Variants in MRPS28 observed in about 807,000 individuals in gnomAD.
MRPS28 encodes the protein small ribosomal subunit protein bS1m.
MRPS28 carries 7 observed loss-of-function variants against 10.8 expected under a neutral mutation model. The ratio of observed to expected loss-of-function variants is 0.65; its 90% confidence interval spans 0.37 to 1.22. The LOEUF (loss-of-function observed/expected upper bound fraction) is 1.22. MRPS28 is among the 50% of genes most tolerant of loss of function. The pLI is 0.02. For missense variants in MRPS28, 265 were observed against 232.9 expected (o/e 1.14, Z -0.90); for synonymous variants, 121 against 93.3 (o/e 1.30, Z -1.71).
At chr8:79,955,892 C>T (rs534075171) in intron 2 of MRPS28, among the ~76,000 whole-genome samples, 6 of 151,994 alleles carry the variant, frequency 3.9e-5, no homozygotes, top group East Asian at 3.9e-4. Context: ...AAAATGTTTC[C>T]GAAAACTAAG....
chr8:79,978,448 T>C (rs1807859004), intron 2 of MRPS28, among the ~76,000 whole-genome samples: 1 of 152,204 alleles, frequency 6.6e-6, no homozygotes, highest in Non-Finnish European at 1.5e-5. Flanking sequence ...CCATGCATTG[T>C]GGATCAGATC....
chr8:79,958,476 G>T, intron 2 of MRPS28: 1 of 594,032 alleles, frequency 1.7e-6, no homozygotes, highest in South Asian at 2.0e-5. Context: ...AAGAACTCAA[G>T]GCTATTTTAA....
intron 1 of MRPS28, among the ~76,000 whole-genome samples, chr8:80,007,135 G>A (rs1808873669): frequency 6.6e-6 from 1 of 152,092 alleles, no homozygotes; most frequent in Non-Finnish European, 1.5e-5. Context: ...ATCAATAAAT[G>A]TAATCCAGCA....
chr8:79,989,918 C>T (rs1808308698), intron 2 of MRPS28, among the ~76,000 whole-genome samples: 1 of 152,162 alleles, frequency 6.6e-6, no homozygotes, highest in Admixed American at 6.5e-5. Context: ...GTTTGGGAGG[C>T]TGAGGTGGGT....
chr8:79,964,001 T>C (rs929404637), intron 2 of MRPS28, among the ~76,000 whole-genome samples: 1 of 152,280 alleles, frequency 6.6e-6, no homozygotes, highest in East Asian at 1.9e-4. Flanking sequence ...TATAGAGTTA[T>C]TGACTGAATT....
rs541758341 is a variant in MRPS28 at position 79,933,827 on chromosome 8, A to G, written c.396-14679T>C. 7.9e-5 allele frequency among the ~76,000 whole-genome samples: 12 copies of G among 152,328 alleles called. No individual in the cohort carries two copies. In the East Asian group the frequency reaches 2.1e-3, roughly 27 times the overall value. The stretch of plus-strand genomic sequence containing the variant: ...AAAATTCAGACCCACCCCAAAATAT[A>G]AACTGTGAAAAAGGTGTTCCTTTGA... On this transcript the variant is annotated intron_variant, in intron 2 of 2. Transcript: ENST00000276585.
At chr8:79,985,849 A>G (rs375672948) in intron 2 of MRPS28, among the ~76,000 whole-genome samples, 1,696 of 152,198 alleles carry the variant, frequency 0.011, 23 homozygotes, top group Non-Finnish European at 0.014. Context: ...CCAGAGGTAC[A>G]AGGAGGAACT....
At chr8:79,922,494 G>A (rs538882581) in intron 2 of MRPS28, among the ~76,000 whole-genome samples, 5 of 152,224 alleles carry the variant, frequency 3.3e-5, no homozygotes, top group Admixed American at 2.0e-4. Flanking sequence ...AAATGATTAA[G>A]TACATGAGGT....
intron 2 of MRPS28, among the ~76,000 whole-genome samples, chr8:79,928,457 T>TA (rs1806363913): frequency 1.3e-5 from 2 of 150,584 alleles, no homozygotes; most frequent in African/African-American, 5.0e-5. Flanking sequence ...ATATATATAT[T>TA]TTTTGAGACA....
At chr8:79,972,391 C>T (rs1807657064) in intron 2 of MRPS28, among the ~76,000 whole-genome samples, 1 of 152,126 alleles carries the variant, frequency 6.6e-6, no homozygotes, top group African/African-American at 2.4e-5. Flanking sequence ...ATTCAGCAGT[C>T]GATGGACACT....
At position 79,918,974 on chromosome 8, in the gene MRPS28, G is replaced by A. The variant is rs1259613169; in HGVS notation, c.*6C>T. On this transcript the variant is annotated 3_prime_UTR_variant, in exon 3 of 3. Coordinates refer to ENST00000276585, the MANE Select transcript of MRPS28 (RefSeq NM_014018.3). ...CAAAGGAGTCAATCCACTAAGCAAA[G>A]TTCATTTATTTTTCATGATGTTCTT... The A allele has an allele frequency of 1.3e-6, 2 of 1,532,386 alleles. No homozygotes were observed. Among genetic ancestry groups the A allele is most frequent in the South Asian group, 2.7e-5 (2 of 75,260 alleles). 94.9% of individuals were successfully genotyped at this position (1,532,386 alleles called of 1,614,324 possible).
chr8:79,996,513 G>C (rs1463821859), intron 2 of MRPS28, among the ~76,000 whole-genome samples: 2 of 152,180 alleles, frequency 1.3e-5, no homozygotes, highest in East Asian at 3.8e-4. Context: ...ATGAAGACCT[G>C]GTTCTGGTTC....
chr8:79,928,919 G>A (rs1806383024), intron 2 of MRPS28, among the ~76,000 whole-genome samples: 1 of 152,112 alleles, frequency 6.6e-6, no homozygotes, highest in African/African-American at 2.4e-5. Context: ...GGTGGCGCAT[G>A]CCTGTAGTCC....
At chr8:79,993,067 T>A (rs959610262) in intron 2 of MRPS28, among the ~76,000 whole-genome samples, 1 of 152,164 alleles carries the variant, frequency 6.6e-6, no homozygotes, top group Admixed American at 6.5e-5. Flanking sequence ...AAGACAAAAT[T>A]CAAAAGAGAA....
chr8:80,013,477 A>C (rs140482214), intron 1 of MRPS28, among the ~76,000 whole-genome samples: 1 of 151,874 alleles, frequency 6.6e-6, no homozygotes, highest in Non-Finnish European at 1.5e-5. Context: ...TCTACTAAAA[A>C]TACAAAATTA....
rs561372179 is a variant in MRPS28 at position 79,968,135 on chromosome 8, A to G, written c.395+34864T>C. 1.4e-4 allele frequency among the ~76,000 whole-genome samples: 22 copies of G among 152,184 alleles called. No homozygotes were observed. The South Asian group carries it at 4.4e-3, about 30-fold the overall frequency. On this transcript the variant is annotated intron_variant, in intron 2 of 2. Transcript: ENST00000276585. ...ATTTCATCAACAATACCACGGTCTT[A>G]ATTTGTCTTATTATATCTCTTTTCT...
In MRPS28 at chr8:80,002,981, G is replaced by A; in HGVS notation, c.395+18C>T. On this transcript the variant is annotated intron_variant, in intron 2 of 2. Coordinates refer to ENST00000276585, the MANE Select transcript of MRPS28 (RefSeq NM_014018.3). The stretch of plus-strand genomic sequence containing the variant: ...TTTTATGAATACTCTTAAGGTACTT[G>A]GAAATGATTTTACTTACTCTCCATC... The A allele has an allele frequency of 1.3e-6, 2 of 1,529,946 alleles. No homozygotes were observed. The highest frequency in any genetic ancestry group is 1.8e-6 in the Non-Finnish European group (2 of 1,141,590). The allele number at this position is 1,529,946 out of a possible 1,614,324, so 94.8% of individuals were successfully genotyped here.
At chr8:79,948,973 T>C (rs749068354) in intron 2 of MRPS28, among the ~76,000 whole-genome samples, 1 of 152,194 alleles carries the variant, frequency 6.6e-6, no homozygotes, top group Non-Finnish European at 1.5e-5. Flanking sequence ...CTTTCTGCTA[T>C]CATTATGAGT....
intron 1 of MRPS28, among the ~76,000 whole-genome samples, chr8:80,024,693 CTG>C (rs1809454658): frequency 6.6e-6 from 1 of 152,164 alleles, no homozygotes; most frequent in Non-Finnish European, 1.5e-5. Context: ...AACCATCAAA[CTG>C]TTTAAATTTC....
Sources: gnomAD v4.1 joint callset for allele counts (sites outside exome capture counted in the v4.1 genomes callset) on GRCh38, gnomAD v4.1.1 for gene constraint, MANE v1.5 for transcripts, NCBI Gene and HGNC (gene_info 2026-07-23, HGNC 2026-07-21) for gene names.